Variants in LRPPRC observed in about 807,000 individuals in gnomAD.
LRPPRC encodes leucine-rich PPR motif-containing protein, mitochondrial.
LRPPRC carries 120 observed loss-of-function variants against 180.3 expected under a neutral mutation model. The ratio of observed to expected loss-of-function variants is 0.67; its 90% CI spans 0.57 to 0.77. The LOEUF (loss-of-function observed/expected upper bound fraction) is 0.77. Among genes scored for constraint, LRPPRC ranks in the 30% least tolerant of loss-of-function variants. The pLI is 0.00. For missense variants in LRPPRC, 2,012 were observed against 1,657.2 expected (o/e 1.21, Z -3.72); for synonymous variants, 723 against 600.0 (o/e 1.21, Z -3.00).
At chr2:43,892,868 A>G (rs1670541823) in intron 36 of LRPPRC, 1 of 152,122 alleles carries the variant, frequency 6.6e-6, no homozygotes, top group African/African-American at 2.4e-5. Context: ...CTTCTGATGG[A>G]TCTGGGCAAA....
In LRPPRC at chr2:43,995,815, C is replaced by G. The variant is rs567624601; in HGVS notation, c.133G>C (p.Ala45Pro). Residue 45 changes from alanine (A) to proline (P), a missense_variant, in exon 1 of 38, where the codon GCC (alanine) becomes CCC (proline). Ala to Pro is a conservative substitution (Grantham distance 27). Transcript: ENST00000260665. Reference sequence around the variant, plus strand: ...GGCACTCACCCGGCCACGGGCCCGGCGCGAGCGGCGGGCAGATAGGAGGCG... The same window carrying G: ...GGCACTCACCCGGCCACGGGCCCGGGGCGAGCGGCGGGCAGATAGGAGGCG... ...HAASYLPAAR[A>P]GPVAGGLLSP... 1 of 1,406,588 alleles carries G rather than the reference C, an allele frequency of 7.1e-7. No homozygotes were observed. Among genetic ancestry groups the G allele is most frequent in the South Asian group, 1.6e-5 (1 of 63,580 alleles). 87.1% of individuals were successfully genotyped at this position (1,406,588 alleles called of 1,614,324 possible). A position where few individuals can be genotyped will look rare whatever the true frequency, so the allele number is the denominator to read the frequency against.
intron 1 of LRPPRC, among the ~76,000 whole-genome samples, chr2:43,990,719 C>T (rs1284753433): frequency 6.6e-6 from 1 of 152,160 alleles, no homozygotes; most frequent in Non-Finnish European, 1.5e-5. Flanking sequence ...ATATTCTTCT[C>T]TTATGGACAG....
At chr2:43,895,811 T>C (rs1246244895) in intron 35 of LRPPRC, among the ~76,000 whole-genome samples, 2 of 152,190 alleles carry the variant, frequency 1.3e-5, no homozygotes, top group African/African-American at 2.4e-5. Context: ...ACTAAGAATG[T>C]AGTTTCTCGT....
intron 29 of LRPPRC, 124 bp downstream of exon 29, chr2:43,917,901 A>C (rs1225243273): frequency 1.5e-6 from 1 of 674,946 alleles, no homozygotes; most frequent in Non-Finnish European, 2.6e-6. Flanking sequence ...GGGACAAGAA[A>C]TATGTAAAAT....
At chr2:43,975,555 A>G (rs180963069) in intron 6 of LRPPRC, among the ~76,000 whole-genome samples, 1 of 152,110 alleles carries the variant, frequency 6.6e-6, no homozygotes, top group East Asian at 1.9e-4. Context: ...CAGAGCAGTT[A>G]CTTCAGATCA....
intron 29 of LRPPRC, among the ~76,000 whole-genome samples, chr2:43,913,032 G>C (rs1671320210): frequency 1.3e-5 from 2 of 152,104 alleles, no homozygotes; most frequent in Admixed American, 1.3e-4. Context: ...TAACATTTCA[G>C]CACAATAGCA....
intron 27 of LRPPRC, among the ~76,000 whole-genome samples, chr2:43,919,584 C>T (rs1671623497): frequency 6.6e-6 from 1 of 152,134 alleles, no homozygotes; most frequent in Non-Finnish European, 1.5e-5. Context: ...AGCCCATTTC[C>T]TTTCATGTGG....
intron 7 of LRPPRC, 57 bp downstream of exon 7, chr2:43,975,034 A>G (rs779857896): frequency 3.8e-6 from 6 of 1,573,714 alleles, no homozygotes; most frequent in South Asian, 2.2e-5. Flanking sequence ...CATGTAAAAC[A>G]TAACACAAAT....
chr2:43,952,662 T>C (rs974064785), intron 14 of LRPPRC, among the ~76,000 whole-genome samples: 26 of 152,344 alleles, frequency 1.7e-4, no homozygotes, highest in African/African-American at 6.3e-4. Context: ...TACTAGGTTC[T>C]AAGTGCATTA....
intron 1 of LRPPRC, among the ~76,000 whole-genome samples, chr2:43,993,142 G>A (rs1421691138): frequency 6.6e-6 from 1 of 152,158 alleles, no homozygotes; most frequent in Non-Finnish European, 1.5e-5. Flanking sequence ...AGAGTAATAT[G>A]CCAGGTCAAG....
rs1327718164 is a variant in LRPPRC, at chr2:43,889,620, C to G, written c.4128+114G>C. 5.7e-5 allele frequency: 53 copies of G among 933,298 alleles called. 1 individual carries two copies. The East Asian group carries it at 1.3e-3, about 24-fold the overall frequency. 57.8% of individuals were successfully genotyped at this position (933,298 alleles called of 1,614,324 possible). ...CTCAAGCCATCCCCTGAGGGCTCTT[C>G]ACAGAGATCTAATCCTCATGTAATT... On this transcript the variant is annotated intron_variant, in intron 37 of 37. Coordinates refer to ENST00000260665, the MANE Select transcript of LRPPRC (RefSeq NM_133259.4).
At chr2:43,953,681 A>T (rs937701252) in intron 14 of LRPPRC, among the ~76,000 whole-genome samples, 6 of 152,246 alleles carry the variant, frequency 3.9e-5, no homozygotes, top group Non-Finnish European at 1.5e-5. Context: ...GTGTGGTTTA[A>T]AGATAAGGTA....
intron 34 of LRPPRC, among the ~76,000 whole-genome samples, chr2:43,898,168 G>A (rs1478799996): frequency 1.3e-5 from 2 of 150,530 alleles, no homozygotes; most frequent in Admixed American, 1.3e-4. Flanking sequence ...AGCAACAAAA[G>A]TAAGAGTCTG....
chr2:43,900,664 C>T (rs1180922075), intron 32 of LRPPRC, among the ~76,000 whole-genome samples: 2 of 151,986 alleles, frequency 1.3e-5, no homozygotes, highest in Admixed American at 1.3e-4. Context: ...CAAAAACAAA[C>T]ATTATATTTT....
intron 29 of LRPPRC, among the ~76,000 whole-genome samples, 186 bp from the exon 30 acceptor site, chr2:43,912,744 G>T (rs575037304): frequency 6.6e-6 from 1 of 152,232 alleles, no homozygotes; most frequent in South Asian, 2.1e-4. Context: ...AAAGCTACAG[G>T]TTTGGAAACT....
chr2:43,934,835 C>T lies in LRPPRC; in HGVS notation c.2548G>A (p.Glu850Lys), dbSNP rs376403719. 15 of 1,612,682 alleles carry T rather than the reference C, an allele frequency of 9.3e-6. No individual in the cohort carries two copies. The highest frequency in any genetic ancestry group is 1.3e-5 in the Non-Finnish European group (15 of 1,178,810). ...ATCCTTGGTAATACTTTATACTTTTCATAGCAGTCAATGGCGACCTCAAGA... is the reference window on the plus strand; with the variant it reads ...ATCCTTGGTAATACTTTATACTTTTTATAGCAGTCAATGGCGACCTCAAGA... The part of the protein sequence containing the change: ...TALEVAIDCY[E>K]KYKVLPRIHD... Residue 850 changes from glutamate (E) to lysine (K), a missense_variant, in exon 24 of 38, where the codon GAA becomes AAA. Coordinates refer to ENST00000260665, the MANE Select transcript of LRPPRC (RefSeq NM_133259.4).
At chr2:43,892,631 TC>T (rs1670532119) in intron 36 of LRPPRC, 1 of 152,118 alleles carries the variant, frequency 6.6e-6, no homozygotes, top group Non-Finnish European at 1.5e-5. Context: ...TAATAAAACA[TC>T]CATTCTGCAG....
rs1572950350 is a variant in LRPPRC at position 43,943,972 on chromosome 2, G to C, written c.2297-78C>G. The C allele has an allele frequency of 3.0e-6, 3 of 1,004,808 alleles. No homozygotes were observed. In the South Asian group the frequency reaches 4.0e-5, roughly 13 times the overall value. 62.2% of individuals were successfully genotyped at this position (1,004,808 alleles called of 1,614,324 possible). A position where few individuals can be genotyped will look rare whatever the true frequency, so the allele number is the denominator to read the frequency against. On this transcript the variant is annotated intron_variant, in intron 22 of 37. Transcript: ENST00000260665. Reference sequence around the variant, plus strand: ...AACTGCTATTAAAACAGCATTTCAAGCCCAGCAGGAATGTAAATTCTAGTG... The same window carrying C: ...AACTGCTATTAAAACAGCATTTCAACCCCAGCAGGAATGTAAATTCTAGTG...
Position 43,982,361 on chromosome 2 carries a change from A to G in LRPPRC, c.223T>C (p.Ser75Pro). The change falls in exon 2 of 38, where the codon TCT (serine) becomes CCT (proline). Residue 75 changes from serine to proline, a missense_variant. Transcript: ENST00000260665. Reference protein sequence around the residue: ...EKDIQEESTFSSRKISNQFDW... With the variant: ...EKDIQEESTFPSRKISNQFDW... ...AACTGATTGGAAATCTTCCTAGAAG[A>G]AAAAGTGGACTCCTCTTGAATATCT... 6.2e-7 allele frequency: 1 copy of G among 1,614,020 alleles called. No homozygotes were observed. The highest frequency in any genetic ancestry group is 8.5e-7 in the Non-Finnish European group (1 of 1,179,854).
Sources: gnomAD v4.1 joint callset for allele counts (sites outside exome capture counted in the v4.1 genomes callset) on GRCh38, gnomAD v4.1.1 for gene constraint, MANE v1.5 for transcripts, NCBI Gene and HGNC (gene_info 2026-07-23, HGNC 2026-07-21) for gene names.